RUNDC3B: variants seen among roughly 807,000 people sequenced by gnomAD.
RUNDC3B encodes RUN domain containing 3B.
RUNDC3B carries 33 observed loss-of-function variants against 58.4 expected under a neutral mutation model. The ratio of observed to expected loss-of-function variants is 0.56; its 90% CI spans 0.43 to 0.75. The LOEUF (loss-of-function observed/expected upper bound fraction) is 0.75. RUNDC3B is among the 30% of genes least tolerant of loss of function. RUNDC3B has a pLI of 0.00. For synonymous variants in RUNDC3B, 193 were observed against 195.2 expected, an observed-to-expected ratio of 0.99 and a Z score of 0.10; for missense variants, 501 against 535.7, an observed-to-expected ratio of 0.94 and a Z score of 0.64.
chr7:87,769,166 A>ATT (rs77945268), intron 6 of RUNDC3B, among the ~76,000 whole-genome samples: 3,676 of 135,066 alleles, frequency 0.027, 64 homozygotes, highest in Non-Finnish European at 0.04. Context: ...ACGCCCAGCT[A>ATT]TTTTTTTTTT....
chr7:87,638,371 G>GTGTGTGTGTGTA (rs1554449115), intron 1 of RUNDC3B, among the ~76,000 whole-genome samples: 3 of 151,642 alleles, frequency 2.0e-5, no homozygotes, highest in Non-Finnish European at 4.4e-5. Context: ...GTGTGTGTGT[G>GTGTGTGTGTGTA]TGTGTGTGTT....
chr7:87,823,380 TTTAAAA>T (rs148787982), intron 10 of RUNDC3B, among the ~76,000 whole-genome samples: 7,236 of 152,094 alleles, frequency 0.048, 252 homozygotes, highest in East Asian at 0.092. Context: ...TTTTTCTTTC[TTTAAAA>T]TTGAGTATCT....
At chr7:87,821,782 C>T (rs886385780) in intron 10 of RUNDC3B, among the ~76,000 whole-genome samples, 1 of 152,074 alleles carries the variant, frequency 6.6e-6, no homozygotes, top group Non-Finnish European at 1.5e-5. Context: ...CAAAAACCAG[C>T]AATGGGGAAA....
rs1415038218 is a variant in RUNDC3B at position 87,710,576 on chromosome 7, G to A, written c.379G>A (p.Ala127Thr). The change falls in exon 4 of 11, where the codon GCC becomes ACC. Residue 127 changes from alanine to threonine, a missense_variant. Coordinates refer to ENST00000394654, the MANE Select transcript of RUNDC3B (RefSeq NM_001134405.2). ...TCTTTCTTCTTCCTTTTAGGGTAGAGCCTGGATCAGAGTAGCACTCATGGA... is the reference window on the plus strand; with the variant it reads ...TCTTTCTTCTTCCTTTTAGGGTAGAACCTGGATCAGAGTAGCACTCATGGA... ...NVSSSRAKGR[A>T]WIRVALMEKH... 5 of 1,572,594 alleles carry A rather than the reference G, an allele frequency of 3.2e-6. No individual in the cohort carries two copies. Among genetic ancestry groups the A allele is most frequent in the Non-Finnish European group, 4.3e-6 (5 of 1,153,458 alleles).
rs71117547 is a variant in RUNDC3B, at chr7:87,639,153, C to CAAAA, written c.122+10228_122+10231dup. On this transcript the variant is annotated intron_variant, in intron 1 of 10. Transcript: ENST00000394654. ...TGGGCGACAGAGTGAGACTCCGTCT[C>CAAAA]AAAAAAAAAAAAAAAAAAAAAAATC... Among the ~76,000 whole-genome samples the CAAAA allele has an allele frequency of 3.7e-3, 327 of 87,686 alleles. 8 individuals are homozygous for CAAAA. Among genetic ancestry groups the CAAAA allele is most frequent in the African/African-American group, 0.014 (302 of 21,370 alleles). The allele number at this position is 87,686 out of a possible 152,430, so 57.5% of individuals were successfully genotyped here.
chr7:87,720,349 G>A (rs1830802269), intron 4 of RUNDC3B, among the ~76,000 whole-genome samples: 1 of 151,986 alleles, frequency 6.6e-6, no homozygotes, highest in African/African-American at 2.4e-5. Context: ...GCTGATGGAG[G>A]AGTTACAGCA....
At chr7:87,658,412 A>G (rs1234879858) in intron 2 of RUNDC3B, among the ~76,000 whole-genome samples, 2 of 152,194 alleles carry the variant, frequency 1.3e-5, no homozygotes, top group Non-Finnish European at 1.5e-5. Context: ...TGGGACAATA[A>G]CAAAAGATGA....
rs138634468 is a variant in RUNDC3B at position 87,682,648 on chromosome 7, A to G, written c.239-17773A>G. On this transcript the variant is annotated intron_variant, in intron 2 of 10. Transcript: ENST00000394654. ...TTTTTCTGAGTAGTGGATCAAAACA[A>G]TGGGCTTTGAATATTTAGTAAGCCA... Among the ~76,000 whole-genome samples the G allele has an allele frequency of 1.2e-4, 18 of 152,300 alleles. No individual in the cohort carries two copies. The East Asian group carries it at 2.3e-3, about 20-fold the overall frequency.
At chr7:87,720,985 A>G (rs1182541791) in intron 4 of RUNDC3B, among the ~76,000 whole-genome samples, 5 of 146,938 alleles carry the variant, frequency 3.4e-5, no homozygotes, top group Non-Finnish European at 6.0e-5. Flanking sequence ...AAAATTAGCT[A>G]AATGTCCAAT....
chr7:87,773,361 A>G (rs1024393374), intron 7 of RUNDC3B, among the ~76,000 whole-genome samples: 2 of 151,790 alleles, frequency 1.3e-5, no homozygotes, highest in African/African-American at 2.4e-5. Context: ...TTCACAAAGA[A>G]TATATATCAG....
At chr7:87,758,943 AG>A (rs1463683075) in intron 6 of RUNDC3B, among the ~76,000 whole-genome samples, 1 of 152,202 alleles carries the variant, frequency 6.6e-6, no homozygotes, top group Non-Finnish European at 1.5e-5. Flanking sequence ...CACTTAAAAA[AG>A]AACTACCATA....
At chr7:87,691,143 C>T (rs903069013) in intron 2 of RUNDC3B, among the ~76,000 whole-genome samples, 1 of 152,010 alleles carries the variant, frequency 6.6e-6, no homozygotes, top group Non-Finnish European at 1.5e-5. Context: ...CATATTCAGT[C>T]TTATCAAGGA....
chr7:87,656,765 A>T (rs1305991741), intron 2 of RUNDC3B, among the ~76,000 whole-genome samples: 2 of 152,170 alleles, frequency 1.3e-5, no homozygotes, highest in Non-Finnish European at 2.9e-5. Flanking sequence ...ATTATAGTTC[A>T]CCACTATTTT....
chr7:87,759,945 T>A (rs1300812620), intron 6 of RUNDC3B, among the ~76,000 whole-genome samples: 1 of 152,022 alleles, frequency 6.6e-6, no homozygotes, highest in African/African-American at 2.4e-5. Flanking sequence ...TTTAAAAAAT[T>A]TAAAAGTTCA....
chr7:87,829,925 T>G lies in RUNDC3B; in HGVS notation c.1266T>G (p.Ser422=). ...CCTCATTACTTGGCCTCTGTGGATC[T>G]CTAACGTCAGTGGCAAGTTACAAGT... ...DTPSLLGLCG[S]LTSVASYKSL... Residue 422 remains serine, a synonymous_variant, in exon 11 of 11, where the codon TCT becomes TCG. Coordinates refer to ENST00000394654, the MANE Select transcript of RUNDC3B (RefSeq NM_001134405.2). The G allele has an allele frequency of 1.1e-5, 18 of 1,609,016 alleles. No homozygotes were observed. The highest frequency in any genetic ancestry group is 1.5e-5 in the Non-Finnish European group (18 of 1,176,606).
chr7:87,629,991 A>G (rs1821046510), intron 1 of RUNDC3B, among the ~76,000 whole-genome samples: 1 of 152,088 alleles, frequency 6.6e-6, no homozygotes, highest in South Asian at 2.1e-4. Flanking sequence ...ACATGCTGAT[A>G]TATTTTCTTT....
chr7:87,750,107 C>A (rs2130829183), intron 6 of RUNDC3B, among the ~76,000 whole-genome samples: 1 of 152,002 alleles, frequency 6.6e-6, no homozygotes, highest in African/African-American at 2.4e-5. Context: ...CAATTCCCAC[C>A]TATGAGTGAG....
intron 7 of RUNDC3B, among the ~76,000 whole-genome samples, chr7:87,772,578 T>A (rs1834343020): frequency 6.6e-6 from 1 of 152,206 alleles, no homozygotes; most frequent in African/African-American, 2.4e-5. Context: ...TGTGTGTGCC[T>A]GTTTCCAAAA....
chr7:87,709,417 A>G (rs1245379234), intron 3 of RUNDC3B: 8 of 985,228 alleles, frequency 8.1e-6, no homozygotes, highest in Admixed American at 6.2e-5. Context: ...CTCTGTTCCA[A>G]TCAGCTACAG....
Sources: allele counts gnomAD v4.1 joint callset (sites outside exome capture counted in the v4.1 genomes callset), GRCh38; gene constraint gnomAD v4.1.1; transcripts MANE v1.5; gene names NCBI Gene and HGNC (gene_info 2026-07-23, HGNC 2026-07-21).